The following CADM2 variants were observed in gnomAD, a reference collection of about 807,000 sequenced individuals.
The protein encoded by CADM2 is immunoglobulin superfamily member 4D.
In CADM2, 12 loss-of-function variants were observed where a neutral mutation model predicts 49.8. That is an observed-to-expected ratio of 0.24 (90% confidence interval 0.15 to 0.39). CADM2 has a LOEUF of 0.39. Among genes scored for constraint, CADM2 ranks in the 10% least tolerant of loss-of-function variants. The pLI is 1.00. For missense variants in CADM2, 378 were observed against 492.3 expected, an observed-to-expected ratio of 0.77 and a Z score of 2.20; for synonymous variants, 214 against 175.4, an observed-to-expected ratio of 1.22 and a Z score of -1.74.
chr3:85,442,703 G>A (rs998641362), intron 1 of CADM2, among the ~76,000 whole-genome samples: 11 of 147,122 alleles, frequency 7.5e-5, no homozygotes, highest in Non-Finnish European at 4.5e-5. Flanking sequence ...TGTTTTTGCA[G>A]CCCTTTAAGT....
chr3:85,084,510 G>A (rs1276030635), intron 1 of CADM2, among the ~76,000 whole-genome samples: 1 of 152,166 alleles, frequency 6.6e-6, no homozygotes, highest in African/African-American at 2.4e-5. Context: ...CTAGCCACAT[G>A]AGTGATGGGG....
intron 8 of CADM2, chr3:86,015,153 T>G: frequency 2.0e-6 from 1 of 488,676 alleles, no homozygotes; most frequent in Non-Finnish European, 3.7e-6. Flanking sequence ...TTCTTATATT[T>G]GATATTTTAA....
rs190884596 is a variant in CADM2, at chr3:85,911,063, A to G, written c.530-1310A>G. Among the ~76,000 whole-genome samples the G allele has an allele frequency of 2.6e-5, 4 of 152,214 alleles. No individual in the cohort carries two copies. The East Asian group carries it at 5.8e-4, about 22-fold the overall frequency. Reference sequence around the variant, plus strand: ...ATGTTTTTAAAATAAATTACTTAATATAAGTTAAAATCAAATTATGTATTT... The same window carrying G: ...ATGTTTTTAAAATAAATTACTTAATGTAAGTTAAAATCAAATTATGTATTT... On this transcript the variant is annotated intron_variant, in intron 5 of 9. Transcript: ENST00000383699.
intron 1 of CADM2, among the ~76,000 whole-genome samples, chr3:85,167,866 A>C (rs559736759): frequency 6.6e-6 from 1 of 152,192 alleles, no homozygotes; most frequent in South Asian, 2.1e-4. Flanking sequence ...CATTAACTAC[A>C]CATTCCTTGG....
At chr3:85,041,042 G>C (rs1195339880) in intron 1 of CADM2, among the ~76,000 whole-genome samples, 2 of 152,118 alleles carry the variant, frequency 1.3e-5, no homozygotes. Flanking sequence ...TCAGGCCTCT[G>C]AGACAAATTG....
At chr3:85,191,869 G>T (rs1197174503) in intron 1 of CADM2, among the ~76,000 whole-genome samples, 3 of 151,924 alleles carry the variant, frequency 2.0e-5, no homozygotes, top group East Asian at 1.9e-4. Context: ...GTAGTTTTCA[G>T]AAGGCTTCCA....
intron 8 of CADM2, among the ~76,000 whole-genome samples, chr3:86,044,746 A>G (rs1297120107): frequency 6.6e-6 from 1 of 152,220 alleles, no homozygotes; most frequent in African/African-American, 2.4e-5. Context: ...ATGCTGCTAT[A>G]AAGACACATG....
chr3:85,031,628 C>T (rs1375987132), intron 1 of CADM2, among the ~76,000 whole-genome samples: 2 of 152,172 alleles, frequency 1.3e-5, no homozygotes, highest in Non-Finnish European at 2.9e-5. Flanking sequence ...CACTCTCCTG[C>T]CTCAGCCTCC....
At chr3:85,171,265 C>G (rs1196167175) in intron 1 of CADM2, among the ~76,000 whole-genome samples, 1 of 152,086 alleles carries the variant, frequency 6.6e-6, no homozygotes, top group Admixed American at 6.5e-5. Context: ...ACTTCAATAT[C>G]CACTATAAGG....
intron 1 of CADM2, among the ~76,000 whole-genome samples, chr3:85,420,449 G>A (rs1230843821): frequency 2.6e-5 from 4 of 152,174 alleles, no homozygotes; most frequent in Admixed American, 6.5e-5. Context: ...TAGAGAACAT[G>A]GGGTGAAGTG....
At chr3:85,307,775 A>G (rs1008967917) in intron 1 of CADM2, among the ~76,000 whole-genome samples, 1 of 151,732 alleles carries the variant, frequency 6.6e-6, no homozygotes, top group Non-Finnish European at 1.5e-5. Context: ...AATGTTCAAA[A>G]AATGCTGATT....
At chr3:85,428,441 GAT>G (rs1266005392) in intron 1 of CADM2, among the ~76,000 whole-genome samples, 1 of 140,254 alleles carries the variant, frequency 7.1e-6, no homozygotes, top group African/African-American at 2.6e-5. Flanking sequence ...TATATATATA[GAT>G]ATATATGATA....
chr3:85,110,086 T>C (rs748862065), intron 1 of CADM2, among the ~76,000 whole-genome samples: 5 of 151,918 alleles, frequency 3.3e-5, no homozygotes, highest in Non-Finnish European at 7.4e-5. Context: ...ATATTTAATG[T>C]TGTGCAGCAA....
intron 1 of CADM2, among the ~76,000 whole-genome samples, chr3:85,025,996 C>T (rs2034711066): frequency 2.0e-5 from 3 of 152,248 alleles, no homozygotes; most frequent in South Asian, 2.1e-4. Flanking sequence ...TTTGCCAACA[C>T]ATTCTTCACA....
intron 3 of CADM2, among the ~76,000 whole-genome samples, chr3:85,845,900 G>A (rs896552453): frequency 6.6e-6 from 1 of 152,116 alleles, no homozygotes; most frequent in African/African-American, 2.4e-5. Context: ...GAGATTTGGT[G>A]CTGTCCTGGT....
intron 1 of CADM2, among the ~76,000 whole-genome samples, chr3:85,118,684 C>T (rs542392648): frequency 6.6e-6 from 1 of 152,286 alleles, no homozygotes; most frequent in African/African-American, 2.4e-5. Flanking sequence ...CACAGCCAAA[C>T]CATATCACCA....
chr3:86,048,513 A>G (rs1293936186), intron 8 of CADM2, among the ~76,000 whole-genome samples: 1 of 152,126 alleles, frequency 6.6e-6, no homozygotes, highest in Non-Finnish European at 1.5e-5. Context: ...ATAAACTTGC[A>G]TAGAATTTTA....
intron 5 of CADM2, among the ~76,000 whole-genome samples, chr3:85,898,065 G>C (rs1337974799): frequency 6.6e-6 from 1 of 152,086 alleles, no homozygotes; most frequent in East Asian, 1.9e-4. Flanking sequence ...TTAAATGTGG[G>C]TATGTATATC....
chr3:86,063,914 G>C (rs907286710), intron 8 of CADM2, among the ~76,000 whole-genome samples: 1 of 152,012 alleles, frequency 6.6e-6, no homozygotes, highest in Admixed American at 6.6e-5. Context: ...CTTTGTCATA[G>C]GGCTGAGTCT....
Sources: gnomAD v4.1 joint callset for allele counts (sites outside exome capture counted in the v4.1 genomes callset) on GRCh38, gnomAD v4.1.1 for gene constraint, MANE v1.5 for transcripts, NCBI Gene and HGNC (gene_info 2026-07-23, HGNC 2026-07-21) for gene names.